Variants in PHACTR2 observed in about 807,000 individuals in gnomAD.
PHACTR2 encodes the protein phosphatase and actin regulator 2.
A neutral mutation model predicts 76.0 loss-of-function variants in PHACTR2; 30 were observed. That is an observed-to-expected ratio of 0.39 (90% CI 0.30 to 0.54). PHACTR2 has a LOEUF of 0.54. Ranked by LOEUF, PHACTR2 falls within the 20% of genes least tolerant of loss-of-function variation. The pLI, the probability that PHACTR2 is intolerant of heterozygous loss-of-function variation, is 0.61. For missense variants in PHACTR2, 696 were observed against 781.1 expected (o/e 0.89, Z 1.30); for synonymous variants, 292 against 292.5 (o/e 1.00, Z 0.02).
chr6:143,699,382 C>CA (rs1427863931), intron 1 of PHACTR2, among the ~76,000 whole-genome samples: 1 of 152,168 alleles, frequency 6.6e-6, no homozygotes, highest in Non-Finnish European at 1.5e-5. Context: ...AAACAGCAAA[C>CA]AAAACCTTTT....
intron 12 of PHACTR2, chr6:143,810,672 A>C (rs1301274684): frequency 2.8e-6 from 1 of 358,822 alleles, no homozygotes; most frequent in African/African-American, 2.2e-5. Context: ...TCTAGAAAAA[A>C]ATTTTAAAAA....
At position 143,627,606 on chromosome 6, in the gene PHACTR2, C is replaced by CT. The variant is rs71024861; in HGVS notation, c.13+19297dup. 0.17 allele frequency among the ~76,000 whole-genome samples: 24,072 copies of CT among 144,734 alleles called. 2,074 individuals are homozygous for CT. Among genetic ancestry groups the CT allele is most frequent in the East Asian group, 0.22 (1,104 of 4,932 alleles). The allele number at this position is 144,734 out of a possible 152,430, so 95.0% of individuals were successfully genotyped here. On this transcript the variant is annotated intron_variant, in intron 1 of 11. Transcript: ENST00000305766. The surrounding 1 kb of genome is among the most constrained non-coding windows in gnomAD (Gnocchi z 4.3). ...CACAATGTTGTACAACCACCACTTC[C>CT]TTTTTTTTTTTTTGAGAAGAAGTCT... is the stretch of plus-strand genomic sequence containing the variant.
At chr6:143,643,645 A>G (rs1740502373) in intron 1 of PHACTR2, among the ~76,000 whole-genome samples, 4 of 152,222 alleles carry the variant, frequency 2.6e-5, no homozygotes, top group African/African-American at 7.2e-5. Context: ...GTAAAACAAA[A>G]TAATAACTAA....
upstream of PHACTR2, chr6:143,677,831 G>T (rs1193310886): frequency 3.0e-6 from 1 of 336,748 alleles, no homozygotes; most frequent in Non-Finnish European, 5.0e-6. Flanking sequence ...CGGCGGGGCC[G>T]GCTGGGGGCT....
chr6:143,560,419 A>C (rs73780435), intron 1 of PHACTR2, among the ~76,000 whole-genome samples: 2,044 of 152,300 alleles, frequency 0.013, 51 homozygotes, highest in African/African-American at 0.046. Flanking sequence ...GTAGCAAGTT[A>C]AAAATGACAA....
In PHACTR2 at chr6:143,739,051, C is replaced by CTTTA. The variant is rs1461960890; in HGVS notation, c.215-9923_215-9920dup. On this transcript the variant is annotated intron_variant, in intron 2 of 12. Coordinates refer to ENST00000440869, the MANE Select transcript of PHACTR2 (RefSeq NM_001100164.2). The surrounding 1 kb of genome is among the most constrained non-coding windows in gnomAD (Gnocchi z 4.3). Reference sequence around the variant, plus strand: ...CATTACCATTTACAGCTGAGATTCACTTTATTTATTTATTATTTATTTATT... The same window carrying CTTTA: ...CATTACCATTTACAGCTGAGATTCACTTTATTTATTTATTTATTATTTATTTATT... 2.6e-5 allele frequency among the ~76,000 whole-genome samples: 4 copies of CTTTA among 152,146 alleles called. No homozygotes were observed. Among genetic ancestry groups the CTTTA allele is most frequent in the Admixed American group, 6.5e-5 (1 of 15,282 alleles).
chr6:143,569,300 A>G (rs182284282), intron 1 of PHACTR2, among the ~76,000 whole-genome samples: 4 of 152,344 alleles, frequency 2.6e-5, no homozygotes, highest in Admixed American at 2.0e-4. Flanking sequence ...TTCAGGAATC[A>G]TAGCCACAGG....
In PHACTR2 at chr6:143,772,268, A is replaced by G. The variant is rs963686404; in HGVS notation, c.1243A>G (p.Lys415Glu). Residue 415 changes from lysine to glutamate, a missense_variant, in exon 7 of 13, where the codon AAA becomes GAA. Coordinates refer to ENST00000440869, the MANE Select transcript of PHACTR2 (RefSeq NM_001100164.2). This position sits in a 1 kb window ranked among gnomAD's most constrained non-coding sequence, Gnocchi z 5.4. Reference protein sequence around the residue: ...NRENAKCFTTKEELGKTVPQL... With the variant: ...NRENAKCFTTEEELGKTVPQL... ...TTCTGCCTTTAACAGTTTCACAACCAAAGAGGAGCTGGGGAAGACAGTGCC... is the reference window on the plus strand; with the variant it reads ...TTCTGCCTTTAACAGTTTCACAACCGAAGAGGAGCTGGGGAAGACAGTGCC... 6 of 1,613,328 alleles carry G rather than the reference A, an allele frequency of 3.7e-6. No individual in the cohort carries two copies. In the African/African-American group the frequency reaches 4.0e-5, roughly 11 times the overall value.
At position 143,558,699 on chromosome 6, in the gene PHACTR2, T is replaced by C. The variant is rs1293729923; in HGVS notation, c.217+21492T>C. 1.3e-5 allele frequency among the ~76,000 whole-genome samples: 2 copies of C among 152,190 alleles called. No homozygotes were observed. Among genetic ancestry groups the C allele is most frequent in the African/African-American group, 4.8e-5 (2 of 41,436 alleles). Reference sequence around the variant, plus strand: ...GTGCTAAGATACATTCATGCGTTTTTCCAATGCGAGGAGGTAGAGATCGTT... The same window carrying C: ...GTGCTAAGATACATTCATGCGTTTTCCCAATGCGAGGAGGTAGAGATCGTT... On this transcript the variant is annotated intron_variant, in intron 1 of 11. Transcript: ENST00000367584. This position sits in a 1 kb window ranked among gnomAD's most constrained non-coding sequence, Gnocchi z 4.7.
rs1371896646 is a variant in PHACTR2, at chr6:143,803,774, C to T, written c.1846-3283C>T. Among the ~76,000 whole-genome samples the T allele has an allele frequency of 2.0e-5, 3 of 152,176 alleles. No individual in the cohort carries two copies. The highest frequency in any genetic ancestry group is 4.1e-4 in the South Asian group (2 of 4,834). Reference sequence around the variant, plus strand: ...TATTTTGTAAATAGGAATACCACTACTAAAACCATAATGCTATAAATAGAA... The same window carrying T: ...TATTTTGTAAATAGGAATACCACTATTAAAACCATAATGCTATAAATAGAA... On this transcript the variant is annotated intron_variant, in intron 11 of 12. Coordinates refer to ENST00000440869, the MANE Select transcript of PHACTR2 (RefSeq NM_001100164.2). The surrounding 1 kb of genome is among the most constrained non-coding windows in gnomAD (Gnocchi z 4.7).
intron 1 of PHACTR2, among the ~76,000 whole-genome samples, chr6:143,567,355 T>G (rs1003956781): frequency 6.6e-6 from 1 of 152,032 alleles, no homozygotes; most frequent in African/African-American, 2.4e-5. Context: ...CAGGCTTTGG[T>G]CTTTGATTTT....
At position 143,700,082 on chromosome 6, in the gene PHACTR2, G is replaced by C. The variant is rs1777871010; in HGVS notation, c.47-11934G>C. On this transcript the variant is annotated intron_variant, in intron 1 of 12. Coordinates refer to ENST00000440869, the MANE Select transcript of PHACTR2 (RefSeq NM_001100164.2). The surrounding 1 kb of genome is among the most constrained non-coding windows in gnomAD (Gnocchi z 4.1). ...CTGCCAGGAGGCTCTTGGACATAGA[G>C]AGAACGTTAGTCACATTATATATAT... Among the ~76,000 whole-genome samples the C allele has an allele frequency of 6.6e-6, 1 of 152,176 alleles. No homozygotes were observed. Among genetic ancestry groups the C allele is most frequent in the Admixed American group, 6.5e-5 (1 of 15,274 alleles).
chr6:143,537,214 G>A lies in PHACTR2; in HGVS notation c.217+7G>A, dbSNP rs1445857345. 1 of 241,200 alleles carries A rather than the reference G, an allele frequency of 4.1e-6. No individual in the cohort carries two copies. Among genetic ancestry groups the A allele is most frequent in the Admixed American group, 5.0e-5 (1 of 19,934 alleles). The allele number at this position is 241,200 out of a possible 1,614,324, so 14.9% of individuals were successfully genotyped here. ...GTCCACATCTCCGGCTCAGGTAAGA[G>A]CGGCTCGGGGCGCGGGCCGGGGAGG... On this transcript the variant is annotated splice_region_variant and intron_variant, in intron 1 of 11. Coordinates refer to the PHACTR2 transcript ENST00000367584. This position sits in a 1 kb window ranked among gnomAD's most constrained non-coding sequence, Gnocchi z 4.4.
At position 143,824,946 on chromosome 6, in the gene PHACTR2, GA is replaced by G. The variant is rs1005585601; in HGVS notation, c.*1258del. The G allele has an allele frequency of 3.3e-5, 5 of 152,568 alleles. No individual in the cohort carries two copies. The highest frequency in any genetic ancestry group is 1.2e-4 in the African/African-American group (5 of 41,418). The allele number at this position is 152,568 out of a possible 1,614,324, so 9.5% of individuals were successfully genotyped here. ...TTACTGTCAATGCAAAAGAATCAGT[GA>G]GGTTAAAGTAGTGGAAGTTTTCCCT... On this transcript the variant is annotated 3_prime_UTR_variant, in exon 13 of 13. Transcript: ENST00000440869. The surrounding 1 kb of genome is among the most constrained non-coding windows in gnomAD (Gnocchi z 6.3).
chr6:143,767,755 A>G lies in PHACTR2; in HGVS notation c.1232+1957A>G, dbSNP rs1031340711. Among the ~76,000 whole-genome samples the G allele has an allele frequency of 1.3e-5, 2 of 152,196 alleles. No individual in the cohort carries two copies. Among genetic ancestry groups the G allele is most frequent in the African/African-American group, 4.8e-5 (2 of 41,458 alleles). On this transcript the variant is annotated intron_variant, in intron 6 of 12. Transcript: ENST00000440869. This position sits in a 1 kb window ranked among gnomAD's most constrained non-coding sequence, Gnocchi z 4.4. ...TGAAAATGGCATTAATCTATTCACG[A>G]GGGCAGAGCCTTCATGACTTAAACA...
intron 2 of PHACTR2, among the ~76,000 whole-genome samples, chr6:143,747,913 T>C (rs1387646255): frequency 6.6e-6 from 1 of 152,146 alleles, no homozygotes; most frequent in African/African-American, 2.4e-5. Flanking sequence ...GATTTAATAC[T>C]ATACACACTC....
rs1777799313 is a variant in PHACTR2, at chr6:143,697,457, A to G, written c.47-14559A>G. Among the ~76,000 whole-genome samples the G allele has an allele frequency of 6.6e-6, 1 of 152,186 alleles. No individual in the cohort carries two copies. Among genetic ancestry groups the G allele is most frequent in the South Asian group, 2.1e-4 (1 of 4,824 alleles). On this transcript the variant is annotated intron_variant, in intron 1 of 12. Transcript: ENST00000440869. This position sits in a 1 kb window ranked among gnomAD's most constrained non-coding sequence, Gnocchi z 4.4. ...GAAAATAGAAACTTCTTAAAAGACA[A>G]TTTCACATATAAATTATTCCAGCTG...
Position 143,729,000 on chromosome 6 carries a change from T to G in PHACTR2, c.214+16817T>G, listed in dbSNP as rs78661693. On this transcript the variant is annotated intron_variant, in intron 2 of 12. Coordinates refer to ENST00000440869, the MANE Select transcript of PHACTR2 (RefSeq NM_001100164.2). ...AAGCACAAATTTGACTATATTAAAC[T>G]ATTAATAAAAAGTTTCTGCTCAGCA... Among the ~76,000 whole-genome samples the G allele has an allele frequency of 8.5e-3, 1,294 of 152,240 alleles. 10 individuals are homozygous for G. The highest frequency in any genetic ancestry group is 0.028 in the African/African-American group (1,173 of 41,544).
chr6:143,586,391 T>A (rs964201750), intron 1 of PHACTR2, among the ~76,000 whole-genome samples: 2 of 152,236 alleles, frequency 1.3e-5, no homozygotes, highest in Non-Finnish European at 2.9e-5. Flanking sequence ...CCACAAATTA[T>A]TTTTGTCCAT....
Sources: allele counts gnomAD v4.1 joint callset (sites outside exome capture counted in the v4.1 genomes callset), GRCh38; gene constraint gnomAD v4.1.1; non-coding constraint Gnocchi (gnomAD v3.1); transcripts MANE v1.5; gene names NCBI Gene and HGNC (gene_info 2026-07-23, HGNC 2026-07-21).